Variants in UNC93B1 observed in about 807,000 individuals in gnomAD.
UNC93B1 encodes the protein unc-93B1 regulator of TLR signaling.
UNC93B1 carries 33 observed loss-of-function variants against 56.8 expected under a neutral mutation model. That is an observed-to-expected ratio of 0.58 (90% CI 0.44 to 0.78). The LOEUF (loss-of-function observed/expected upper bound fraction) is 0.78. UNC93B1 is among the 30% of genes least tolerant of loss of function. UNC93B1 has a pLI of 0.00. For synonymous variants in UNC93B1, 334 were observed against 358.6 expected (o/e 0.93, Z 0.77); for missense variants, 673 against 819.5 (o/e 0.82, Z 2.18).
intron 3 of UNC93B1, among the ~76,000 whole-genome samples, chr11:68,001,534 A>C (rs1013509068): frequency 2.0e-5 from 3 of 152,098 alleles, no homozygotes; most frequent in Non-Finnish European, 2.9e-5. Flanking sequence ...CTGTAGGCCC[A>C]GCTACTCGGG....
At chr11:67,992,221 G>C (rs1290265468) in intron 10 of UNC93B1, among the ~76,000 whole-genome samples, 3 of 152,294 alleles carry the variant, frequency 2.0e-5, no homozygotes, top group Non-Finnish European at 4.4e-5. Context: ...GTGGGCTGTA[G>C]TGATGCTTTT....
intron 3 of UNC93B1, 21 bp from the exon 4 acceptor site, chr11:67,999,701 GCTGGCAC>G: frequency 1.2e-6 from 2 of 1,606,900 alleles, no homozygotes; most frequent in Non-Finnish European, 8.5e-7. Context: ...TGGGAGAGAT[GCTGGCAC>G]CACAGGCCTG....
intron 10 of UNC93B1, among the ~76,000 whole-genome samples, chr11:67,992,260 A>G (rs1182921099): frequency 3.3e-5 from 5 of 152,378 alleles, no homozygotes; most frequent in Admixed American, 3.3e-4. Flanking sequence ...ACCCGCAGTC[A>G]GGAATGATTT....
chr11:67,998,360 G>T lies in UNC93B1; in HGVS notation c.780C>A (p.Cys260Ter). The change falls in exon 6 of 11, where the codon TGC becomes TGA. Residue 260 changes from cysteine (C) to a stop codon, truncating the protein, a stop_gained and splice_region_variant. Transcript: ENST00000227471. LOFTEE classifies it high-confidence loss of function. ...CCCCAACCCCCAACAAGGACTAACC[G>T]CAGCTCTGCACATTGTACAGCGTGT... ...LNHTLYNVQS[C>*]GTNSHGILSG... is the part of the protein sequence containing the mutation. 6.2e-7 allele frequency: 1 copy of T among 1,613,918 alleles called. No homozygotes were observed. The highest frequency in any genetic ancestry group is 8.5e-7 in the Non-Finnish European group (1 of 1,179,844).
chr11:67,999,702 C>T lies in UNC93B1; in HGVS notation c.393-22G>A. ...AAACCTGCGGACAGTGGGAGAGATG[C>T]TGGCACCACAGGCCTGCTGGACCAC... is the stretch of plus-strand genomic sequence containing the variant. On this transcript the variant is annotated intron_variant, in intron 3 of 10. Transcript: ENST00000227471. 2.5e-6 allele frequency: 4 copies of T among 1,606,320 alleles called. No individual in the cohort carries two copies. In the South Asian group the frequency reaches 4.5e-5, roughly 18 times the overall value.
intron 3 of UNC93B1, among the ~76,000 whole-genome samples, 166 bp downstream of exon 3, chr11:68,002,856 C>G (rs1209347394): frequency 6.6e-6 from 1 of 152,136 alleles, no homozygotes; most frequent in African/African-American, 2.4e-5. Context: ...TTCCCCAAAT[C>G]CGAGTTTCAC....
intron 6 of UNC93B1, 102 bp from the exon 7 acceptor site, chr11:67,997,901 G>T: frequency 6.6e-7 from 1 of 1,506,060 alleles, no homozygotes; most frequent in Non-Finnish European, 8.9e-7. Flanking sequence ...AGCGGTGGAG[G>T]GCGGGAGAGT....
Position 68,003,105 on chromosome 11 carries a change from C to A in UNC93B1, c.309G>T (p.Gly103=), listed in dbSNP as rs1157641500. 5 of 1,613,464 alleles carry A rather than the reference C, an allele frequency of 3.1e-6. No individual in the cohort carries two copies. In the Admixed American group the frequency reaches 5.0e-5, roughly 16 times the overall value. The change falls in exon 3 of 11, where the codon GGG becomes GGT. Residue 103 remains glycine, a synonymous_variant. Transcript: ENST00000227471. This position sits in a 1 kb window ranked among gnomAD's most constrained non-coding sequence, Gnocchi z 4.4. ...TYREVKYGNM[G]LPDIDSKMLM... Reference sequence around the variant, plus strand: ...GCATTTTGCTGTCGATGTCGGGCAGCCCCATGTTGCCATACTTCACCTCGC... The same window carrying A: ...GCATTTTGCTGTCGATGTCGGGCAGACCCATGTTGCCATACTTCACCTCGC...
rs1276621887 is a variant in UNC93B1, at chr11:67,993,688, G to T, written c.1470C>A (p.Ser490Arg). 8.4e-7 allele frequency: 1 copy of T among 1,191,678 alleles called. No homozygotes were observed. Among genetic ancestry groups the T allele is most frequent in the Non-Finnish European group, 1.2e-6 (1 of 834,400 alleles). The allele number at this position is 1,191,678 out of a possible 1,614,324, so 73.8% of individuals were successfully genotyped here. A position where few individuals can be genotyped will look rare whatever the true frequency, so the allele number is the denominator to read the frequency against. ...TGCCCAGTCTCACCTTCATGTGCAG[G>T]CTCGAGCCCAGGTACACGGTGAAGA... is the stretch of plus-strand genomic sequence containing the variant. ...VAIFTVYLGS[S>R]LHMKAKLAVL... Residue 490 changes from serine to arginine, a missense_variant, in exon 10 of 11, where the codon AGC becomes AGA. This residue lies in a region of UNC93B1 where 155 missense variants were observed against 268.3 expected (regional missense o/e 0.58). Transcript: ENST00000227471.
At chr11:67,997,155 C>T (rs1026681101) in intron 7 of UNC93B1, among the ~76,000 whole-genome samples, 1 of 151,616 alleles carries the variant, frequency 6.6e-6, no homozygotes, top group African/African-American at 2.4e-5. Context: ...CAGGCTAGTC[C>T]CCGCCCCTCG....
chr11:67,997,421 C>T, intron 7 of UNC93B1: 1 of 574,644 alleles, frequency 1.7e-6, no homozygotes, highest in Non-Finnish European at 3.1e-6. Flanking sequence ...AGCCTGTTCC[C>T]TCCTTCCCCT....
Position 68,003,500 on chromosome 11 carries a change from C to T in UNC93B1, c.238+157G>A. On this transcript the variant is annotated intron_variant, in intron 2 of 10. Transcript: ENST00000227471. The surrounding 1 kb of genome is among the most constrained non-coding windows in gnomAD (Gnocchi z 4.4). ...ACCCGGGGACGCTGCGCTACTTGAC[C>T]CCCCAACCCCACCCCCGCCGCGGGG... is the stretch of plus-strand genomic sequence containing the variant. The T allele has an allele frequency of 8.5e-7, 1 of 1,178,372 alleles. No homozygotes were observed. The highest frequency in any genetic ancestry group is 1.1e-6 in the Non-Finnish European group (1 of 888,960). 73.0% of individuals were successfully genotyped at this position (1,178,372 alleles called of 1,614,324 possible).
Position 67,993,769 on chromosome 11 carries a change from G to A in UNC93B1, c.1389C>T (p.Asp463=). Residue 463 remains aspartate (D), a synonymous_variant, in exon 10 of 11, where the codon GAC becomes GAT. Coordinates refer to ENST00000227471, the MANE Select transcript of UNC93B1 (RefSeq NM_030930.4). ...LSTLLGILYE[D]KERQDFIFTI... is the part of the protein sequence containing the mutation. ...TGAAGATGAAGTCCTGTCTCTCCTT[G>A]TCTTCGTACAAGATTCCCAGGAGTG... 8.3e-7 allele frequency: 1 copy of A among 1,204,554 alleles called. No homozygotes were observed. The highest frequency in any genetic ancestry group is 1.2e-6 in the Non-Finnish European group (1 of 842,130). The allele number at this position is 1,204,554 out of a possible 1,614,324, so 74.6% of individuals were successfully genotyped here.
At chr11:68,000,659 CA>C (rs200897822) in intron 3 of UNC93B1, among the ~76,000 whole-genome samples, 2 of 150,312 alleles carry the variant, frequency 1.3e-5, no homozygotes, top group Admixed American at 6.6e-5. Flanking sequence ...CAAGATTGCT[CA>C]AAAAAAAAGT....
At position 68,003,968 on chromosome 11, in the gene UNC93B1, G is replaced by C. The variant is rs1236301427; in HGVS notation, c.76C>G (p.Pro26Ala). 7.2e-7 allele frequency: 1 copy of C among 1,396,656 alleles called. No homozygotes were observed. Among genetic ancestry groups the C allele is most frequent in the Admixed American group, 2.6e-5 (1 of 38,174 alleles). 86.5% of individuals were successfully genotyped at this position (1,396,656 alleles called of 1,614,324 possible). ...PQGDEDLLGV[P>A]DGPEAPLDEL... ...CTCACCGGGGCCTCGGGCCCGTCCG[G>C]GACCCCGAGCAGGTCCTCGTCGCCC... is the stretch of plus-strand genomic sequence containing the variant. The change falls in exon 1 of 11, where the codon CCG (proline) becomes GCG (alanine). Residue 26 changes from proline (P) to alanine (A), a missense_variant. This residue lies in a region of UNC93B1 where 438 missense variants were observed against 465.9 expected (regional missense o/e 0.94). Coordinates refer to ENST00000227471, the MANE Select transcript of UNC93B1 (RefSeq NM_030930.4). This position sits in a 1 kb window ranked among gnomAD's most constrained non-coding sequence, Gnocchi z 4.4.
chr11:67,995,914 G>A (rs1196663593), intron 8 of UNC93B1, 30 bp from the exon 9 acceptor site: 4 of 1,464,322 alleles, frequency 2.7e-6, no homozygotes, highest in African/African-American at 2.8e-5. Context: ...GAGTGTTGAA[G>A]TCTGGAACAG....
chr11:67,991,912 C>A (rs1362032793), intron 10 of UNC93B1, 55 bp from the exon 11 acceptor site: 33 of 1,515,586 alleles, frequency 2.2e-5, no homozygotes, highest in Non-Finnish European at 2.9e-5. Flanking sequence ...CCCGCACCTT[C>A]CCCGCCTATG....
intron 10 of UNC93B1, among the ~76,000 whole-genome samples, chr11:67,992,799 G>A (rs906835223): frequency 1.3e-5 from 2 of 151,334 alleles, no homozygotes; most frequent in African/African-American, 4.9e-5. Flanking sequence ...AGAGTAGCTG[G>A]GATCACAGGG....
intron 7 of UNC93B1, 189 bp downstream of exon 7, chr11:67,997,486 G>T: frequency 9.9e-7 from 1 of 1,013,722 alleles, no homozygotes; most frequent in Non-Finnish European, 1.4e-6. Context: ...CCGCCTCCGA[G>T]CCTCATGCCC....
Sources: gnomAD v4.1 joint callset for allele counts (sites outside exome capture counted in the v4.1 genomes callset) on GRCh38, gnomAD v4.1.1 for gene constraint, gnomAD v4.1.1 regional missense constraint, Gnocchi (gnomAD v3.1) non-coding constraint, MANE v1.5 for transcripts, NCBI Gene and HGNC (gene_info 2026-07-23, HGNC 2026-07-21) for gene names.